The following CNTN4 variants were observed in gnomAD, a reference collection of about 807,000 sequenced individuals.
The protein encoded by CNTN4 is contactin-4.
CNTN4 carries 77 observed loss-of-function variants against 122.5 expected under a neutral mutation model. The ratio of observed to expected loss-of-function variants is 0.63; its 90% CI spans 0.52 to 0.76. The LOEUF (loss-of-function observed/expected upper bound fraction) is 0.76. Ranked by LOEUF, CNTN4 falls within the 30% of genes least tolerant of loss-of-function variation. The pLI, the probability that CNTN4 is intolerant of heterozygous loss-of-function variation, is 0.00. For missense variants in CNTN4, 1,256 were observed against 1,259.1 expected, an observed-to-expected ratio of 1.00 and a Z score of 0.04; for synonymous variants, 512 against 447.0, an observed-to-expected ratio of 1.15 and a Z score of -1.83.
Position 2,127,075 on chromosome 3 carries a change from C to CAAAA in CNTN4, c.-145+26436_-145+26437insAAAA, listed in dbSNP as rs1489582627. Among the ~76,000 whole-genome samples, 3 of 151,970 alleles carry CAAAA rather than the reference C, an allele frequency of 2.0e-5. No homozygotes were observed. In the East Asian group the frequency reaches 5.8e-4, roughly 29 times the overall value. ...CTGTCTTTTTCATCTTTGTGGTTTG[C>CAAAA]GTTTTTCTCCTTTCTCAATGAATTG... On this transcript the variant is annotated intron_variant, in intron 2 of 24. Transcript: ENST00000418658.
chr3:2,112,499 G>C (rs953832143), intron 2 of CNTN4, among the ~76,000 whole-genome samples: 1 of 152,084 alleles, frequency 6.6e-6, no homozygotes, highest in East Asian at 1.9e-4. Flanking sequence ...AGAGAAACTG[G>C]TTAATGTTAT....
chr3:2,889,176 C>T (rs2094010483), intron 10 of CNTN4, among the ~76,000 whole-genome samples: 1 of 152,124 alleles, frequency 6.6e-6, no homozygotes, highest in African/African-American at 2.4e-5. Flanking sequence ...CCTTCAATGA[C>T]CTCCCCTAAG....
At chr3:2,237,487 A>C (rs573305428) in intron 2 of CNTN4, among the ~76,000 whole-genome samples, 12 of 152,248 alleles carry the variant, frequency 7.9e-5, no homozygotes, top group African/African-American at 2.9e-4. Flanking sequence ...ACAAAAACAA[A>C]AGGAAAAGCG....
rs2093381765 is a variant in CNTN4, at chr3:2,842,566, A to T, written c.454+22985A>T. Among the ~76,000 whole-genome samples, 5 of 152,320 alleles carry T rather than the reference A, an allele frequency of 3.3e-5. No homozygotes were observed. The South Asian group carries it at 1.0e-3, about 32-fold the overall frequency. Reference sequence around the variant, plus strand: ...CAATTTCTATGCTCCTCTTACGGCAAAACTGCACCAAAGAGTCATCTCTAC... The same window carrying T: ...CAATTTCTATGCTCCTCTTACGGCATAACTGCACCAAAGAGTCATCTCTAC... On this transcript the variant is annotated intron_variant, in intron 7 of 24. Transcript: ENST00000418658.
At chr3:3,004,293 G>C (rs1032719640) in intron 14 of CNTN4, among the ~76,000 whole-genome samples, 23 of 152,080 alleles carry the variant, frequency 1.5e-4, no homozygotes, top group Admixed American at 4.6e-4. Flanking sequence ...AGTTACTTTG[G>C]TGTTTTTCCT....
intron 4 of CNTN4, among the ~76,000 whole-genome samples, chr3:2,644,551 A>G (rs368510138): frequency 6.3e-4 from 95 of 151,818 alleles, no homozygotes; most frequent in East Asian, 2.3e-3. Context: ...ATTCAGATGT[A>G]TACTTTATCC....
intron 2 of CNTN4, among the ~76,000 whole-genome samples, chr3:2,218,636 C>A (rs1462931805): frequency 1.3e-5 from 2 of 152,210 alleles, no homozygotes; most frequent in Non-Finnish European, 2.9e-5. Context: ...AATTCCACAT[C>A]TCCAGCTGTC....
chr3:2,340,710 T>TATATAGAGAGAGAGAGAGAG, intron 3 of CNTN4, among the ~76,000 whole-genome samples: 2 of 18,306 alleles, frequency 1.1e-4, no homozygotes, highest in Non-Finnish European at 3.2e-4. Context: ...TATATATATA[T>TATATAGAGAGAGAGAGAGAG]AGAGAGAGAG....
At chr3:2,218,432 A>T (rs1200939503) in intron 2 of CNTN4, among the ~76,000 whole-genome samples, 1 of 152,164 alleles carries the variant, frequency 6.6e-6, no homozygotes, top group Non-Finnish European at 1.5e-5. Context: ...AAGGAAGAGG[A>T]TCCCTCGAGC....
intron 3 of CNTN4, among the ~76,000 whole-genome samples, chr3:2,381,416 A>G (rs2046017260): frequency 6.6e-6 from 1 of 152,186 alleles, no homozygotes; most frequent in Non-Finnish European, 1.5e-5. Context: ...CAACATGACA[A>G]TCAGATCAAG....
At chr3:2,662,528 G>C (rs2083948169) in intron 4 of CNTN4, among the ~76,000 whole-genome samples, 1 of 152,150 alleles carries the variant, frequency 6.6e-6, no homozygotes, top group South Asian at 2.1e-4. Context: ...GTGGTCCAAT[G>C]GTTCATTCAT....
At chr3:2,587,399 A>G (rs575737563) in intron 4 of CNTN4, among the ~76,000 whole-genome samples, 2 of 152,310 alleles carry the variant, frequency 1.3e-5, no homozygotes, top group Admixed American at 6.5e-5. Context: ...TACTGATAAG[A>G]CAGGCAAATA....
chr3:2,607,066 G>C (rs1330550194), intron 4 of CNTN4, among the ~76,000 whole-genome samples: 1 of 152,138 alleles, frequency 6.6e-6, no homozygotes, highest in African/African-American at 2.4e-5. Context: ...TCTTGATACA[G>C]TGCTACTTCT....
At chr3:2,774,665 TA>T (rs2091244333) in intron 6 of CNTN4, among the ~76,000 whole-genome samples, 1 of 152,116 alleles carries the variant, frequency 6.6e-6, no homozygotes, top group Non-Finnish European at 1.5e-5. Flanking sequence ...GGACAGCAAA[TA>T]GAATAACACT....
chr3:2,444,569 A>G (rs1452592226), intron 3 of CNTN4, among the ~76,000 whole-genome samples: 1 of 152,218 alleles, frequency 6.6e-6, no homozygotes, highest in Non-Finnish European at 1.5e-5. Flanking sequence ...CAGGGATCAG[A>G]TCACATAGAG....
At chr3:2,623,147 A>T (rs1327065359) in intron 4 of CNTN4, among the ~76,000 whole-genome samples, 1 of 152,196 alleles carries the variant, frequency 6.6e-6, no homozygotes, top group East Asian at 1.9e-4. Flanking sequence ...AAATCCTTTC[A>T]TCTTCACGTT....
At chr3:2,901,049 A>T (rs1415492498) in intron 11 of CNTN4, among the ~76,000 whole-genome samples, 1 of 152,228 alleles carries the variant, frequency 6.6e-6, no homozygotes, top group African/African-American at 2.4e-5. Context: ...GTCTTCAAAG[A>T]TTAACATATG....
intron 3 of CNTN4, among the ~76,000 whole-genome samples, chr3:2,390,215 A>AGTGTGTGTGTGTGTGTGT (rs142190283): frequency 5.7e-4 from 83 of 144,870 alleles, no homozygotes; most frequent in African/African-American, 2.1e-3. Context: ...AGGAAAAAAG[A>AGTGTGTGTGTGTGTGTGT]GTGTGTGTGT....
chr3:2,338,099 A>G (rs2044029661), intron 2 of CNTN4, among the ~76,000 whole-genome samples: 1 of 152,084 alleles, frequency 6.6e-6, no homozygotes, highest in East Asian at 1.9e-4. Context: ...TTTCTTACAC[A>G]TGTCATCATT....
Sources: gnomAD v4.1 joint callset for allele counts (sites outside exome capture counted in the v4.1 genomes callset) on GRCh38, gnomAD v4.1.1 for gene constraint, MANE v1.5 for transcripts, NCBI Gene and HGNC (gene_info 2026-07-23, HGNC 2026-07-21) for gene names.